HYDIN: variants seen among roughly 807,000 people sequenced by gnomAD.
HYDIN encodes axonemal central pair apparatus protein HYDIN.
HYDIN carries 132 observed loss-of-function variants against 403.9 expected under a neutral mutation model. That is an observed-to-expected ratio of 0.33 (90% CI 0.28 to 0.38). The LOEUF is 0.38. Ranked by LOEUF, HYDIN falls within the 10% of genes least tolerant of loss-of-function variation. The pLI, the probability that HYDIN is intolerant of heterozygous loss-of-function variation, is 1.00. For missense variants in HYDIN, 2,827 were observed against 5,009.5 expected, an observed-to-expected ratio of 0.56 and a Z score of 13.15; for synonymous variants, 1,202 against 1,891.7, an observed-to-expected ratio of 0.64 and a Z score of 9.46.
At chr16:70,916,643 C>G (rs886966263) in intron 47 of HYDIN, among the ~76,000 whole-genome samples, 1 of 152,172 alleles carries the variant, frequency 6.6e-6, no homozygotes, top group African/African-American at 2.4e-5. Context: ...GTTGGAGTTG[C>G]ATCCAGTCCT....
intron 77 of HYDIN, among the ~76,000 whole-genome samples, chr16:70,836,173 G>A (rs1332524261): frequency 1.3e-5 from 2 of 152,238 alleles, no homozygotes; most frequent in Non-Finnish European, 2.9e-5. Context: ...AGAAAGGTAT[G>A]AGCTAGTCAG....
At chr16:71,214,606 T>C (rs1344200457) in intron 1 of HYDIN, among the ~76,000 whole-genome samples, 1 of 152,210 alleles carries the variant, frequency 6.6e-6, no homozygotes, top group Non-Finnish European at 1.5e-5. Flanking sequence ...GACAGGAACC[T>C]CCTAGTGCTC....
chr16:70,957,341 T>TTC lies in HYDIN; in HGVS notation c.6143-1794_6143-1793insGA, dbSNP rs1444202409. On this transcript the variant is annotated intron_variant, in intron 39 of 85. Transcript: ENST00000393567. The stretch of plus-strand genomic sequence containing the variant: ...AATTTCCTTCCTATTTTTTTTTTTT[T>TTC]TTTGAGATGGAGTCTCGCCCTGTAG... Among the ~76,000 whole-genome samples the TTC allele has an allele frequency of 1.2e-3, 176 of 151,788 alleles. 1 individual carries two copies. Among genetic ancestry groups the TTC allele is most frequent in the African/African-American group, 4.1e-3 (171 of 41,282 alleles).
chr16:70,943,644 G>C (rs550141152), intron 42 of HYDIN, among the ~76,000 whole-genome samples, 168 bp downstream of exon 42: 1 of 152,192 alleles, frequency 6.6e-6, no homozygotes, highest in South Asian at 2.1e-4. Flanking sequence ...GCTGTAGACC[G>C]GGCCAGGGTC....
intron 41 of HYDIN, among the ~76,000 whole-genome samples, chr16:70,945,344 G>A (rs1455069198): frequency 6.6e-6 from 1 of 152,160 alleles, no homozygotes; most frequent in Non-Finnish European, 1.5e-5. Context: ...AGGAAAGACT[G>A]GGAGAAGAAC....
At chr16:71,126,751 C>T (rs927561553) in intron 9 of HYDIN, among the ~76,000 whole-genome samples, 3 of 152,200 alleles carry the variant, frequency 2.0e-5, no homozygotes, top group African/African-American at 7.2e-5. Context: ...GTAATTTTCC[C>T]AATTGGAAAC....
intron 5 of HYDIN, among the ~76,000 whole-genome samples, chr16:71,174,729 T>C (rs1011268630): frequency 2.8e-4 from 42 of 152,100 alleles, no homozygotes; most frequent in Middle Eastern, 6.3e-3. Flanking sequence ...TTGGGCTCCA[T>C]TCCCCTCCCC....
chr16:70,939,495 A>G (rs1163055385), intron 43 of HYDIN, among the ~76,000 whole-genome samples: 1 of 152,150 alleles, frequency 6.6e-6, no homozygotes, highest in African/African-American at 2.4e-5. Context: ...GCATACTGTC[A>G]TACTACTATT....
chr16:70,867,387 A>G (rs1336395598), intron 66 of HYDIN, among the ~76,000 whole-genome samples: 1 of 126,690 alleles, frequency 7.9e-6, no homozygotes, highest in East Asian at 2.2e-4. Context: ...ATAAATTGGT[A>G]CAGCTACTCT....
rs1186206941 is a variant in HYDIN at position 70,804,602 on chromosome 16, C to CA, written c.*2977dup. On this transcript the variant is annotated 3_prime_UTR_variant, in exon 86 of 86. Coordinates refer to ENST00000393567, the MANE Select transcript of HYDIN (RefSeq NM_001270974.2). ...CAGTTGTTTCACTGGTACACAGGAC[C>CA]AAGAATAAATATCTCAAACGGAAAA... Among the ~76,000 whole-genome samples the CA allele has an allele frequency of 2.6e-5, 4 of 151,358 alleles. No homozygotes were observed.
intron 40 of HYDIN, among the ~76,000 whole-genome samples, chr16:70,954,503 C>T (rs561075637): frequency 1.3e-5 from 2 of 151,814 alleles, no homozygotes; most frequent in East Asian, 1.9e-4. Flanking sequence ...CCCCCTCCCC[C>T]AAACCCAACC....
intron 19 of HYDIN, among the ~76,000 whole-genome samples, chr16:71,028,332 T>C (rs1175512094): frequency 6.6e-6 from 1 of 152,020 alleles, no homozygotes; most frequent in Non-Finnish European, 1.5e-5. Context: ...CTCTAAGCTT[T>C]AACAGAGGCC....
chr16:70,937,208 T>C (rs12051071), intron 44 of HYDIN, among the ~76,000 whole-genome samples: 240 of 147,066 alleles, frequency 1.6e-3, no homozygotes, highest in African/African-American at 3.0e-3. Context: ...GAGAATCAAA[T>C]TTGCATTTTC....
At chr16:70,933,207 C>A (rs2077400903) in intron 45 of HYDIN, among the ~76,000 whole-genome samples, 1 of 152,058 alleles carries the variant, frequency 6.6e-6, no homozygotes, top group South Asian at 2.1e-4. Flanking sequence ...CTGGGACGGG[C>A]TTGAGAACAA....
chr16:71,097,846 A>G (rs531318925), intron 10 of HYDIN, among the ~76,000 whole-genome samples: 61 of 151,884 alleles, frequency 4.0e-4, no homozygotes, highest in Non-Finnish European at 7.9e-4. Flanking sequence ...AGTATTACAG[A>G]AAGTATGCTT....
intron 75 of HYDIN, among the ~76,000 whole-genome samples, chr16:70,848,224 C>T (rs1179710700): frequency 7.0e-6 from 1 of 142,996 alleles, no homozygotes; most frequent in Non-Finnish European, 1.5e-5. Flanking sequence ...AGACATTGTT[C>T]TCATACTTTG....
At position 70,804,871 on chromosome 16, in the gene HYDIN, G is replaced by A. The variant is rs1260077785; in HGVS notation, c.*2709C>T. Among the ~76,000 whole-genome samples the A allele has an allele frequency of 6.6e-6, 1 of 152,190 alleles. No individual in the cohort carries two copies. The highest frequency in any genetic ancestry group is 1.9e-4 in the East Asian group (1 of 5,182). ...TATATGGACAGCTTCAGTGGCTTGG[G>A]GAAGCACTGGAACAGGTCTGAAGTT... On this transcript the variant is annotated 3_prime_UTR_variant, in exon 86 of 86. Transcript: ENST00000393567.
At chr16:70,884,264 C>T (rs1236489801) in intron 58 of HYDIN, 140 bp from the exon 59 acceptor site, 2 of 764,056 alleles carry the variant, frequency 2.6e-6, no homozygotes, top group Non-Finnish European at 2.1e-6. Context: ...GCCCTCTTTC[C>T]TCTCCTCCTG....
intron 18 of HYDIN, among the ~76,000 whole-genome samples, chr16:71,034,147 T>C (rs1597602109): frequency 6.6e-6 from 1 of 152,002 alleles, no homozygotes; most frequent in Admixed American, 6.6e-5. Context: ...TAGAAAACAA[T>C]GGATTTGAAA....
Sources: gnomAD v4.1 joint callset for allele counts (sites outside exome capture counted in the v4.1 genomes callset) on GRCh38, gnomAD v4.1.1 for gene constraint, MANE v1.5 for transcripts, NCBI Gene and HGNC (gene_info 2026-07-23, HGNC 2026-07-21) for gene names.